Variants in ARL13B observed in about 807,000 individuals in gnomAD.
ARL13B encodes the protein ARF like GTPase 13B.
ARL13B carries 36 observed loss-of-function variants against 56.1 expected under a neutral mutation model. That is an observed-to-expected ratio of 0.64 (90% CI 0.49 to 0.85). ARL13B has a LOEUF of 0.85. ARL13B is among the 40% of genes least tolerant of loss of function. The pLI is 0.00. For synonymous variants in ARL13B, 178 were observed against 171.1 expected (o/e 1.04, Z -0.32); for missense variants, 519 against 507.1 (o/e 1.02, Z -0.23).
At chr3:94,036,451 A>C (rs1576027946) in intron 4 of ARL13B, 101 bp from the exon 5 acceptor site, 2 of 1,237,652 alleles carry the variant, frequency 1.6e-6, no homozygotes, top group East Asian at 2.4e-5. Flanking sequence ...TATTAACTTA[A>C]ATGGCTTAAT....
At chr3:94,027,408 T>C (rs925999538) in intron 3 of ARL13B, among the ~76,000 whole-genome samples, 2 of 152,124 alleles carry the variant, frequency 1.3e-5, no homozygotes, top group African/African-American at 2.4e-5. Flanking sequence ...AAATAACTTA[T>C]TGAATTAACT....
intron 2 of ARL13B, among the ~76,000 whole-genome samples, chr3:93,996,852 G>A (rs1420290569): frequency 6.6e-6 from 1 of 152,044 alleles, no homozygotes; most frequent in African/African-American, 2.4e-5. Context: ...AGCCCACAAA[G>A]CAGGAGGTAA....
chr3:94,038,848 TCATGTATGGAA>T (rs1421019942), intron 5 of ARL13B, among the ~76,000 whole-genome samples: 2 of 152,124 alleles, frequency 1.3e-5, no homozygotes. Flanking sequence ...ACATTACTCA[TCATGTATGGAA>T]CAACATTACT....
At chr3:94,006,053 C>T (rs961556181) in intron 3 of ARL13B, among the ~76,000 whole-genome samples, 1 of 152,130 alleles carries the variant, frequency 6.6e-6, no homozygotes, top group African/African-American at 2.4e-5. Flanking sequence ...GTAATCCCAG[C>T]ACTTTGGGAG....
intron 2 of ARL13B, among the ~76,000 whole-genome samples, chr3:94,001,929 T>C (rs899343998): frequency 1.3e-5 from 2 of 152,222 alleles, no homozygotes; most frequent in Non-Finnish European, 2.9e-5. Flanking sequence ...TGCTTATATG[T>C]CTAACTTTAC....
chr3:93,997,950 C>A (rs2107396988), intron 2 of ARL13B, among the ~76,000 whole-genome samples: 1 of 152,190 alleles, frequency 6.6e-6, no homozygotes, highest in South Asian at 2.1e-4. Context: ...TGCGCCACTG[C>A]ACTCCAGTCT....
chr3:94,041,752 A>G (rs986438032), intron 6 of ARL13B, among the ~76,000 whole-genome samples: 8 of 152,190 alleles, frequency 5.3e-5, no homozygotes, highest in Non-Finnish European at 1.2e-4. Context: ...TTGGGTTACC[A>G]AAGGCAGTTT....
Position 93,980,313 on chromosome 3 carries a change from C to G in ARL13B, c.-111C>G, listed in dbSNP as rs1203511558. 1 of 1,433,164 alleles carries G rather than the reference C, an allele frequency of 7.0e-7. No homozygotes were observed. Among genetic ancestry groups the G allele is most frequent in the Non-Finnish European group, 9.7e-7 (1 of 1,029,510 alleles). The allele number at this position is 1,433,164 out of a possible 1,614,324, so 88.8% of individuals were successfully genotyped here. A position where few individuals can be genotyped will look rare whatever the true frequency, so the allele number is the denominator to read the frequency against. Reference sequence around the variant, plus strand: ...TCACTTCCCTCCCGGCTTTTCCTCCCGACTTATCCACTTTAGGGGCGTCTC... The same window carrying G: ...TCACTTCCCTCCCGGCTTTTCCTCCGGACTTATCCACTTTAGGGGCGTCTC... On this transcript the variant is annotated 5_prime_UTR_variant, in exon 1 of 10. Coordinates refer to ENST00000394222, the MANE Select transcript of ARL13B (RefSeq NM_001174150.2).
chr3:94,042,539 T>G (rs1040762057), intron 6 of ARL13B, among the ~76,000 whole-genome samples: 19 of 152,208 alleles, frequency 1.2e-4, no homozygotes, highest in African/African-American at 4.6e-4. Context: ...TCTGAGCACT[T>G]TATATATTCA....
At chr3:93,993,773 T>A (rs2075917839) in intron 1 of ARL13B, among the ~76,000 whole-genome samples, 1 of 152,248 alleles carries the variant, frequency 6.6e-6, no homozygotes, top group Non-Finnish European at 1.5e-5. Flanking sequence ...GCAGCTTCCT[T>A]AGGAAGTAAA....
At chr3:94,005,510 A>G (rs921376994) in intron 3 of ARL13B, among the ~76,000 whole-genome samples, 1 of 152,236 alleles carries the variant, frequency 6.6e-6, no homozygotes, top group South Asian at 2.1e-4. Flanking sequence ...ATCAAATAAC[A>G]GCAAAATATT....
intron 3 of ARL13B, among the ~76,000 whole-genome samples, chr3:94,006,335 TTGATATGTTTA>T (rs1458049980): frequency 6.6e-6 from 1 of 152,166 alleles, no homozygotes; most frequent in African/African-American, 2.4e-5. Flanking sequence ...ACTCTTTTTT[TTGATATGTTTA>T]TAAACACCTC....
chr3:94,007,358 GCT>G (rs2076152350), intron 3 of ARL13B, among the ~76,000 whole-genome samples: 2 of 152,170 alleles, frequency 1.3e-5, no homozygotes, highest in South Asian at 4.1e-4. Context: ...TTCTCTACTT[GCT>G]CCTACACACA....
intron 1 of ARL13B, among the ~76,000 whole-genome samples, chr3:93,982,158 T>C (rs932581017): frequency 6.6e-6 from 1 of 152,220 alleles, no homozygotes; most frequent in Non-Finnish European, 1.5e-5. Context: ...TCTTTCCTTT[T>C]CTTAGCAGCT....
At position 94,054,239 on chromosome 3, in the gene ARL13B, C is replaced by T. The variant is rs949322574; in HGVS notation, c.*976C>T. On this transcript the variant is annotated 3_prime_UTR_variant, in exon 10 of 10. Transcript: ENST00000394222. ...GGCAGAAAAACTGGAAAACCTACTG[C>T]AGGTCCAGAGACTTCTGTTTTACAA... The T allele has an allele frequency of 1.3e-5, 6 of 452,558 alleles. No homozygotes were observed. The highest frequency in any genetic ancestry group is 4.7e-5 in the Admixed American group (2 of 42,522). 28.0% of individuals were successfully genotyped at this position (452,558 alleles called of 1,614,324 possible). A position where few individuals can be genotyped will look rare whatever the true frequency, so the allele number is the denominator to read the frequency against.
chr3:94,036,840 C>A (rs1308158567), intron 5 of ARL13B, 86 bp downstream of exon 5: 1 of 1,421,136 alleles, frequency 7.0e-7, no homozygotes, highest in South Asian at 1.3e-5. Context: ...TTTATCTGTT[C>A]AGTTTCTTCT....
At chr3:94,045,462 AGAAAG>A (rs1013883482) in intron 7 of ARL13B, among the ~76,000 whole-genome samples, 10 of 150,976 alleles carry the variant, frequency 6.6e-5, no homozygotes, top group Admixed American at 2.6e-4. Flanking sequence ...AAAAAAAAAA[AGAAAG>A]AAAGAAAAAA....
chr3:93,985,267 C>G (rs189402348), intron 1 of ARL13B, among the ~76,000 whole-genome samples: 24 of 152,316 alleles, frequency 1.6e-4, no homozygotes, highest in East Asian at 1.2e-3. Context: ...CTCAGTAAAT[C>G]TCTGGGCCTT....
Position 94,054,429 on chromosome 3 carries a change from C to T in ARL13B, c.*1166C>T. ...ATTCTGTATTTGGCATTTAGACTAA[C>T]TTCTAGATGTATATTTTTAATAATA... On this transcript the variant is annotated 3_prime_UTR_variant, in exon 10 of 10. Transcript: ENST00000394222. 2.7e-6 allele frequency: 1 copy of T among 368,190 alleles called. No individual in the cohort carries two copies. The highest frequency in any genetic ancestry group is 5.3e-6 in the Non-Finnish European group (1 of 189,276). The allele number at this position is 368,190 out of a possible 1,614,324, so 22.8% of individuals were successfully genotyped here.
Sources: gnomAD v4.1 joint callset for allele counts (sites outside exome capture counted in the v4.1 genomes callset) on GRCh38, gnomAD v4.1.1 for gene constraint, MANE v1.5 for transcripts, NCBI Gene and HGNC (gene_info 2026-07-23, HGNC 2026-07-21) for gene names.